Variants in NT5DC1 observed in about 807,000 individuals in gnomAD.
NT5DC1 encodes the protein 5'-nucleotidase domain-containing protein 1.
A neutral mutation model predicts 59.4 loss-of-function variants in NT5DC1; 42 were observed. That is an observed-to-expected ratio of 0.71 (90% CI 0.55 to 0.92). The LOEUF (loss-of-function observed/expected upper bound fraction) is 0.92. Ranked by LOEUF, NT5DC1 falls within the 40% of genes least tolerant of loss-of-function variation. NT5DC1 has a pLI of 0.00. For synonymous variants in NT5DC1, 172 were observed against 188.1 expected (o/e 0.91, Z 0.70); for missense variants, 501 against 537.1 (o/e 0.93, Z 0.66).
Position 116,223,048 on chromosome 6 carries a change from A to T in NT5DC1, c.719A>T (p.Asp240Val). 1.9e-6 allele frequency: 3 copies of T among 1,589,464 alleles called. No individual in the cohort carries two copies. Among genetic ancestry groups the T allele is most frequent in the Non-Finnish European group, 2.6e-6 (3 of 1,159,780 alleles). ...GTTGCTTTTAGGAATGATTTTACAG[A>T]CCTTTTTGACATTGTGATTACAAAT... ...CEYILGNDFTDLFDIVITNAL... is the reference protein window; with the variant it reads ...CEYILGNDFTVLFDIVITNAL... Residue 240 changes from aspartate (D) to valine (V), a missense_variant, in exon 8 of 12, where the codon GAC (aspartate) becomes GTC (valine). By Grantham distance (152) the Asp-to-Val change is radical. Coordinates refer to ENST00000319550, the MANE Select transcript of NT5DC1 (RefSeq NM_152729.3).
chr6:116,121,357 G>A lies in NT5DC1; in HGVS notation c.529+3412G>A, dbSNP rs371463385. On this transcript the variant is annotated intron_variant, in intron 6 of 11. Transcript: ENST00000319550. ...CTTCTGGCCCTCGTTCCCCAGGAGGGCCTTGGGGACCTGGTGGGCCAATTG... is the reference window on the plus strand; with the variant it reads ...CTTCTGGCCCTCGTTCCCCAGGAGGACCTTGGGGACCTGGTGGGCCAATTG... The A allele has an allele frequency of 5.4e-5, 87 of 1,613,936 alleles. No individual in the cohort carries two copies. The highest frequency in any genetic ancestry group is 1.7e-4 in the Admixed American group (10 of 60,004).
At chr6:116,200,004 G>GC (rs965240696) in intron 6 of NT5DC1, among the ~76,000 whole-genome samples, 3 of 150,998 alleles carry the variant, frequency 2.0e-5, no homozygotes, top group African/African-American at 7.4e-5. Context: ...GAAAGTGGGG[G>GC]GGGAAGAGTA....
chr6:116,158,328 C>T (rs1253767678), intron 6 of NT5DC1, among the ~76,000 whole-genome samples: 12 of 151,884 alleles, frequency 7.9e-5, no homozygotes, highest in Non-Finnish European at 5.9e-5. Context: ...ATGCTTTCCT[C>T]CTTCTGTTTA....
intron 5 of NT5DC1, 24 bp downstream of exon 5, chr6:116,115,794 A>G (rs774846994): frequency 5.1e-6 from 6 of 1,184,744 alleles, no homozygotes; most frequent in Non-Finnish European, 7.6e-6. Flanking sequence ...CATTTTTTAA[A>G]ACTATGATAT....
chr6:116,106,314 C>T lies in NT5DC1; in HGVS notation c.164C>T (p.Thr55Ile). The change falls in exon 2 of 12, where the codon ACC (threonine) becomes ATC (isoleucine). Residue 55 changes from threonine to isoleucine, a missense_variant. Physicochemically the swap from Thr to Ile is moderately conservative, Grantham distance 89 (BLOSUM62 -1). Coordinates refer to ENST00000319550, the MANE Select transcript of NT5DC1 (RefSeq NM_152729.3). ...TACGATAAGGAATTGCTCAATGTGACCCCAGAGGATTGGGATTTCTGGTAA... is the reference window on the plus strand; with the variant it reads ...TACGATAAGGAATTGCTCAATGTGATCCCAGAGGATTGGGATTTCTGGTAA... ...KGYDKELLNVTPEDWDFCCKG... is the reference protein window; with the variant it reads ...KGYDKELLNVIPEDWDFCCKG... 6.5e-7 allele frequency: 1 copy of T among 1,541,982 alleles called. No homozygotes were observed. The highest frequency in any genetic ancestry group is 9.0e-7 in the Non-Finnish European group (1 of 1,116,974).
At chr6:116,155,771 AAG>A (rs1319442795) in intron 6 of NT5DC1, among the ~76,000 whole-genome samples, 1 of 151,616 alleles carries the variant, frequency 6.6e-6, no homozygotes, top group Non-Finnish European at 1.5e-5. Flanking sequence ...AAAAAAAAAA[AAG>A]AGGGAGGAAG....
At chr6:116,174,689 C>T (rs539393858) in intron 6 of NT5DC1, among the ~76,000 whole-genome samples, 1 of 152,234 alleles carries the variant, frequency 6.6e-6, no homozygotes, top group African/African-American at 2.4e-5. Context: ...TATACAGGTA[C>T]TTGTTTTCTC....
intron 6 of NT5DC1, among the ~76,000 whole-genome samples, chr6:116,143,826 T>C (rs1419294253): frequency 2.0e-5 from 3 of 152,188 alleles, no homozygotes; most frequent in African/African-American, 7.2e-5. Context: ...AAATTAGGAC[T>C]GTCATTTATT....
chr6:116,155,569 A>G (rs1780168646), intron 6 of NT5DC1, among the ~76,000 whole-genome samples: 1 of 152,120 alleles, frequency 6.6e-6, no homozygotes, highest in Non-Finnish European at 1.5e-5. Flanking sequence ...AATCCATCCA[A>G]AATCACATGT....
At chr6:116,238,089 C>A in intron 9 of NT5DC1, 98 bp from the exon 10 acceptor site, 1 of 805,500 alleles carries the variant, frequency 1.2e-6, no homozygotes. Context: ...GATTGTCATA[C>A]TCTGATGCCT....
At chr6:116,103,296 C>T (rs1170998205) in intron 1 of NT5DC1, among the ~76,000 whole-genome samples, 4 of 151,888 alleles carry the variant, frequency 2.6e-5, no homozygotes, top group Non-Finnish European at 5.9e-5. Context: ...ATCCTTACAA[C>T]GTCCCTGTGA....
chr6:116,115,481 G>T (rs796253527), intron 4 of NT5DC1, among the ~76,000 whole-genome samples: 1 of 152,050 alleles, frequency 6.6e-6, no homozygotes, highest in Non-Finnish European at 1.5e-5. Flanking sequence ...TTAACTTCTA[G>T]ATATCATCTT....
Position 116,239,050 on chromosome 6 carries a change from G to T in NT5DC1, c.1179G>T (p.Leu393Phe), listed in dbSNP as rs1002811628. The change falls in exon 11 of 12, where the codon TTG becomes TTT. Residue 393 changes from leucine to phenylalanine, a missense_variant. By Grantham distance (22) the Leu-to-Phe change is conservative (BLOSUM62 0). Coordinates refer to ENST00000319550, the MANE Select transcript of NT5DC1 (RefSeq NM_152729.3). ...VLGLENTEDSLVYTWSCKRIS... is the reference protein window; with the variant it reads ...VLGLENTEDSFVYTWSCKRIS... ...GACTGGAAAATACAGAAGACTCCTTGGTTTATACATGGTCTTGTAAGAGAA... is the reference window on the plus strand; with the variant it reads ...GACTGGAAAATACAGAAGACTCCTTTGTTTATACATGGTCTTGTAAGAGAA... 6.2e-7 allele frequency: 1 copy of T among 1,610,186 alleles called. No homozygotes were observed. The highest frequency in any genetic ancestry group is 2.2e-5 in the East Asian group (1 of 44,786).
intron 1 of NT5DC1, among the ~76,000 whole-genome samples, chr6:116,101,321 G>A (rs1296776050): frequency 6.6e-6 from 1 of 152,158 alleles, no homozygotes; most frequent in Non-Finnish European, 1.5e-5. Flanking sequence ...GATTTCTAGG[G>A]CCGAGGAGGG....
At chr6:116,233,108 G>A (rs1782050341) in intron 8 of NT5DC1, among the ~76,000 whole-genome samples, 1 of 152,146 alleles carries the variant, frequency 6.6e-6, no homozygotes, top group Non-Finnish European at 1.5e-5. Flanking sequence ...ATATCTTGTA[G>A]AACTTTGGTA....
chr6:116,214,292 A>G lies in NT5DC1; in HGVS notation c.530-6762A>G, dbSNP rs75941195. ...TCATCAGGTCTTTATTCTCATATAT[A>G]TCCTTCTTATAAAGGAAATAAAAAT... On this transcript the variant is annotated intron_variant, in intron 6 of 11. Transcript: ENST00000319550. Among the ~76,000 whole-genome samples, 602 of 152,228 alleles carry G rather than the reference A, an allele frequency of 4.0e-3. 11 individuals are homozygous for G. In the East Asian group the frequency reaches 0.043, roughly 11 times the overall value.
At chr6:116,167,135 C>G (rs568178296) in intron 6 of NT5DC1, among the ~76,000 whole-genome samples, 1 of 151,598 alleles carries the variant, frequency 6.6e-6, no homozygotes, top group Non-Finnish European at 1.5e-5. Context: ...TATGTTCAAC[C>G]AAATGCATCA....
intron 6 of NT5DC1, among the ~76,000 whole-genome samples, chr6:116,202,198 G>T (rs1781363050): frequency 6.6e-6 from 1 of 151,962 alleles, no homozygotes; most frequent in South Asian, 2.1e-4. Context: ...ATGTGATGCA[G>T]GCTCCCCTAC....
At chr6:116,222,950 T>C (rs1781836658) in intron 7 of NT5DC1, 84 bp from the exon 8 acceptor site, 4 of 719,052 alleles carry the variant, frequency 5.6e-6, no homozygotes, top group Admixed American at 2.3e-5. Flanking sequence ...TGTGGTAAAA[T>C]AGATAAGCAA....
Sources: gnomAD v4.1 joint callset for allele counts (sites outside exome capture counted in the v4.1 genomes callset) on GRCh38, gnomAD v4.1.1 for gene constraint, MANE v1.5 for transcripts, NCBI Gene and HGNC (gene_info 2026-07-23, HGNC 2026-07-21) for gene names.